ABCA13: variants seen among roughly 807,000 people sequenced by gnomAD.
The protein encoded by ABCA13 is ATP-binding cassette sub-family A member 13.
ABCA13 carries 476 observed loss-of-function variants against 478.7 expected under a neutral mutation model. The observed-to-expected ratio is 0.99, with a 90% CI of 0.92 to 1.07. The LOEUF (loss-of-function observed/expected upper bound fraction) is 1.07. Among genes scored for constraint, ABCA13 ranks in the 50% least tolerant of loss-of-function variants. The probability of loss-of-function intolerance (pLI) is 0.00; values close to 1 mark genes in which losing one functional copy is unlikely to be tolerated. For missense variants in ABCA13, 6,060 were observed against 5,910.6 expected (o/e 1.03, Z -0.83); for synonymous variants, 2,252 against 2,158.9 (o/e 1.04, Z -1.20).
At chr7:48,607,022 CTG>C (rs2131518664) in intron 58 of ABCA13, among the ~76,000 whole-genome samples, 1 of 152,330 alleles carries the variant, frequency 6.6e-6, no homozygotes, top group South Asian at 2.1e-4. Flanking sequence ...AAACCGCGTA[CTG>C]AAGCCTCAGC....
chr7:48,280,742 C>T (rs184881521), intron 18 of ABCA13, among the ~76,000 whole-genome samples: 1 of 152,266 alleles, frequency 6.6e-6, no homozygotes, highest in African/African-American at 2.4e-5. Context: ...TACCTTGAAT[C>T]CAGTCATGTT....
At chr7:48,257,230 A>G (rs146303160) in intron 15 of ABCA13, among the ~76,000 whole-genome samples, 122 of 152,240 alleles carry the variant, frequency 8.0e-4, no homozygotes, top group African/African-American at 2.9e-3. Flanking sequence ...ATCATCTTGC[A>G]AACAAGGATA....
In ABCA13 at chr7:48,275,862, A is replaced by T. The variant is rs765381319; in HGVS notation, c.6196A>T (p.Met2066Leu). The T allele has an allele frequency of 6.2e-6, 10 of 1,613,556 alleles. No individual in the cohort carries two copies. The South Asian group carries it at 1.1e-4, about 18-fold the overall frequency. ...ACTATGGCCCAAGTTTCAACAAATC[A>T]TGAAAGACCTAACCCAAGATTTTAG... ...EELWPKFQQIMKDLTQDFRIR... is the reference protein window; with the variant it reads ...EELWPKFQQILKDLTQDFRIR... The change falls in exon 17 of 62, where the codon ATG becomes TTG. Residue 2066 changes from methionine (M) to leucine (L), a missense_variant. Physicochemically the swap from Met to Leu is conservative, Grantham distance 15 (BLOSUM62 2). Around this residue, in one of 3 missense-constraint regions of ABCA13, gnomAD observed 4,423 missense variants for 4,309.1 expected, o/e 1.03. Coordinates refer to ENST00000435803, the MANE Select transcript of ABCA13 (RefSeq NM_152701.5).
At position 48,403,840 on chromosome 7, in the gene ABCA13, C is replaced by T. The variant is rs772310771; in HGVS notation, c.12031C>T (p.Arg4011Trp). 16 of 1,613,440 alleles carry T rather than the reference C, an allele frequency of 9.9e-6. No homozygotes were observed. The highest frequency in any genetic ancestry group is 2.2e-5 in the East Asian group (1 of 44,858). The stretch of plus-strand genomic sequence containing the variant: ...CACCAGTGGGGTGGACCCTTGCTCC[C>T]GGCATAGCCTGTGGGACATTCTGCT... ...EPTSGVDPCS[R>W]HSLWDILLKY... Residue 4011 changes from arginine (R) to tryptophan (W), a missense_variant, in exon 39 of 62, where the codon CGG (arginine) becomes TGG (tryptophan). Arg to Trp is a moderately radical substitution (Grantham distance 101, BLOSUM62 -3). Transcript: ENST00000435803.
At chr7:48,240,505 T>C (rs1337941079) in intron 9 of ABCA13, among the ~76,000 whole-genome samples, 2 of 152,248 alleles carry the variant, frequency 1.3e-5, no homozygotes, top group South Asian at 2.1e-4. Context: ...TTAACTTTGG[T>C]ATATATTTAA....
chr7:48,252,842 AT>A (rs1417856787), intron 15 of ABCA13, among the ~76,000 whole-genome samples: 1 of 152,136 alleles, frequency 6.6e-6, no homozygotes, highest in African/African-American at 2.4e-5. Flanking sequence ...GTTCCTTTGA[AT>A]CATTCATGTT....
chr7:48,355,375 G>T (rs1207185941), intron 31 of ABCA13, among the ~76,000 whole-genome samples: 16 of 151,996 alleles, frequency 1.1e-4, no homozygotes, highest in Non-Finnish European at 5.9e-5. Context: ...TATGTGTGAA[G>T]AGTCACCAGA....
Position 48,281,235 on chromosome 7 carries a change from G to A in ABCA13, c.8727-108G>A, listed in dbSNP as rs529721630. 181 of 827,970 alleles carry A rather than the reference G, an allele frequency of 2.2e-4. 2 individuals carry two copies. The South Asian group carries it at 2.6e-3, about 12-fold the overall frequency. The allele number at this position is 827,970 out of a possible 1,614,324, so 51.3% of individuals were successfully genotyped here. On this transcript the variant is annotated intron_variant, in intron 18 of 61. Transcript: ENST00000435803. Reference sequence around the variant, plus strand: ...TGAAGAAAATATGATTATGCAGGGAGGGAGGATGGTTCTTACATGTGTGTT... The same window carrying A: ...TGAAGAAAATATGATTATGCAGGGAAGGAGGATGGTTCTTACATGTGTGTT...
chr7:48,610,970 A>G (rs1167622509), intron 58 of ABCA13, among the ~76,000 whole-genome samples: 1 of 152,150 alleles, frequency 6.6e-6, no homozygotes, highest in Non-Finnish European at 1.5e-5. Flanking sequence ...AATGCTTTTG[A>G]GGCATTTTCC....
At chr7:48,529,069 A>G (rs1003581320) in intron 55 of ABCA13, among the ~76,000 whole-genome samples, 18 of 152,286 alleles carry the variant, frequency 1.2e-4, no homozygotes, top group Middle Eastern at 3.4e-3. Flanking sequence ...CATTCAGGGC[A>G]TGGTGCCTTC....
chr7:48,512,102 A>T (rs763686768), intron 51 of ABCA13, among the ~76,000 whole-genome samples: 2 of 152,046 alleles, frequency 1.3e-5, no homozygotes, highest in Non-Finnish European at 2.9e-5. Context: ...TAACAGAGAG[A>T]GGGAAAGAGA....
intron 3 of ABCA13, among the ~76,000 whole-genome samples, chr7:48,217,264 C>G (rs1786626061): frequency 6.6e-6 from 1 of 152,204 alleles, no homozygotes; most frequent in African/African-American, 2.4e-5. Flanking sequence ...TAACAACCTT[C>G]TTAGGAGAAT....
rs187162489 is a variant in ABCA13, at chr7:48,605,235, G to A, written c.14745-10050G>A. ...GGCACGTAGCCCATTTACATTTAAG[G>A]TTAATATTGTTATGTGTGAATTTGA... On this transcript the variant is annotated intron_variant, in intron 58 of 61. Coordinates refer to ENST00000435803, the MANE Select transcript of ABCA13 (RefSeq NM_152701.5). Among the ~76,000 whole-genome samples, 33 of 152,222 alleles carry A rather than the reference G, an allele frequency of 2.2e-4. No individual in the cohort carries two copies. The East Asian group carries it at 6.4e-3, about 29-fold the overall frequency.
intron 41 of ABCA13, among the ~76,000 whole-genome samples, chr7:48,419,531 G>A (rs55754104): frequency 0.39 from 57,967 of 148,978 alleles, 11,704 homozygotes; most frequent in African/African-American, 0.51. Context: ...TCTGAAAAGA[G>A]TAATTCTTCC....
intron 3 of ABCA13, among the ~76,000 whole-genome samples, chr7:48,200,379 C>A (rs74782716): frequency 0.051 from 7,685 of 152,012 alleles, 239 homozygotes; most frequent in Middle Eastern, 0.075. Context: ...ACAAAAAAAA[C>A]CCCCCAAATT....
At chr7:48,260,154 C>T (rs1793975848) in intron 15 of ABCA13, among the ~76,000 whole-genome samples, 1 of 152,044 alleles carries the variant, frequency 6.6e-6, no homozygotes, top group Non-Finnish European at 1.5e-5. Context: ...TGCTGGGGAA[C>T]TAGAGCAGTC....
Position 48,631,510 on chromosome 7 carries a change from A to G in ABCA13, c.14838-11778A>G, listed in dbSNP as rs561269077. Among the ~76,000 whole-genome samples, 5 of 152,110 alleles carry G rather than the reference A, an allele frequency of 3.3e-5. No homozygotes were observed. In the South Asian group the frequency reaches 1.0e-3, roughly 32 times the overall value. ...ATTCTGTATTCTTTTCCATTGGTCT[A>G]TGTGTCTGTTTTTGTACCAGTACCA... is the stretch of plus-strand genomic sequence containing the variant. On this transcript the variant is annotated intron_variant, in intron 59 of 61. Transcript: ENST00000435803.
chr7:48,298,997 A>T (rs1468787757), intron 23 of ABCA13, among the ~76,000 whole-genome samples: 1 of 152,220 alleles, frequency 6.6e-6, no homozygotes, highest in Non-Finnish European at 1.5e-5. Context: ...AAGCTGAAAA[A>T]TGTGATAAAA....
chr7:48,365,212 T>C (rs1247212642), intron 31 of ABCA13, among the ~76,000 whole-genome samples: 1 of 152,178 alleles, frequency 6.6e-6, no homozygotes, highest in Non-Finnish European at 1.5e-5. Context: ...TGGTCGTTTA[T>C]TTTTGAGAAA....
Sources: allele counts gnomAD v4.1 joint callset (sites outside exome capture counted in the v4.1 genomes callset), GRCh38; gene constraint gnomAD v4.1.1; regional missense constraint gnomAD v4.1.1; transcripts MANE v1.5; gene names NCBI Gene and HGNC (gene_info 2026-07-23, HGNC 2026-07-21).